CAPN10: variants seen among roughly 807,000 people sequenced by gnomAD.
The protein encoded by CAPN10 is calpain 10, also known as calpain-10.
Under a neutral mutation model 78.4 loss-of-function variants are expected in CAPN10, and 71 were observed. The ratio of observed to expected loss-of-function variants is 0.91; its 90% CI spans 0.75 to 1.10. CAPN10 has a LOEUF of 1.10. CAPN10 is among the 50% of genes least tolerant of loss of function. CAPN10 has a pLI of 0.00. For missense variants in CAPN10, 849 were observed against 924.6 expected, an observed-to-expected ratio of 0.92 and a Z score of 1.06; for synonymous variants, 437 against 407.2, an observed-to-expected ratio of 1.07 and a Z score of -0.88.
At chr2:240,591,685 C>T in intron 3 of CAPN10, 1 of 563,126 alleles carries the variant, frequency 1.8e-6, no homozygotes, top group Non-Finnish European at 3.2e-6. Context: ...CCTGTGCCCA[C>T]ACCGGATGCC....
At chr2:240,591,852 G>T (rs2093103654) in intron 3 of CAPN10, 81 bp from the exon 4 acceptor site, 7 of 1,274,038 alleles carry the variant, frequency 5.5e-6, no homozygotes, top group Non-Finnish European at 6.7e-6. Flanking sequence ...GGACGATTTG[G>T]GGTGCTACAG....
chr2:240,590,861 G>T lies in CAPN10; in HGVS notation c.320G>T (p.Gly107Val), dbSNP rs1398803388. The part of the protein sequence containing the change: ...QPSWADQEYR[G>V]SFTCRIWQFG... ...AGCTGGGCCGACCAGGAGTACCGGG[G>T]CTCCTTCACCTGTCGCATTTGGCAG... Residue 107 changes from glycine to valine, a missense_variant, in exon 3 of 12, where the codon GGC becomes GTC. Gly to Val is a moderately radical substitution (Grantham distance 109). Transcript: ENST00000391984. The T allele has an allele frequency of 1.2e-6, 2 of 1,614,118 alleles. No individual in the cohort carries two copies. The highest frequency in any genetic ancestry group is 1.7e-6 in the Non-Finnish European group (2 of 1,180,048).
chr2:240,596,217 CTG>C (rs1057263469), intron 7 of CAPN10, 100 bp from the exon 8 acceptor site: 25 of 1,479,618 alleles, frequency 1.7e-5, no homozygotes, highest in Non-Finnish European at 1.4e-5. Context: ...GCGCTTTCAT[CTG>C]TCAACTCCAG....
rs2093136457 is a variant in CAPN10 at position 240,596,343 on chromosome 2, C to T, written c.1303C>T (p.Pro435Ser). The T allele has an allele frequency of 6.2e-7, 1 of 1,610,186 alleles. No homozygotes were observed. The highest frequency in any genetic ancestry group is 2.2e-5 in the East Asian group (1 of 44,816). Residue 435 changes from proline (P) to serine (S), a missense_variant, in exon 8 of 12, where the codon CCT becomes TCT. Transcript: ENST00000391984. The stretch of plus-strand genomic sequence containing the variant: ...GGTAGAGAAGCGGCGGGTCAATCTG[C>T]CTAGGGTCCTGTCCATGCCCCCCGT... ...WKVEKRRVNL[P>S]RVLSMPPVAG...
chr2:240,598,166 T>G (rs1227972275), intron 10 of CAPN10, 79 bp downstream of exon 10: 2 of 1,430,098 alleles, frequency 1.4e-6, no homozygotes, highest in Non-Finnish European at 1.9e-6. Context: ...CCCCCACGTC[T>G]CCTGCCTGCC....
chr2:240,589,645 G>C, intron 2 of CAPN10, 171 bp downstream of exon 2: 1 of 844,882 alleles, frequency 1.2e-6, no homozygotes, highest in African/African-American at 1.7e-5. Context: ...ACTGCACTCT[G>C]TCCCTCTGCT....
chr2:240,593,600 C>A (rs1004065504), intron 4 of CAPN10, among the ~76,000 whole-genome samples: 1 of 152,244 alleles, frequency 6.6e-6, no homozygotes, highest in African/African-American at 2.4e-5. Context: ...CTGTGCCAGG[C>A]ATCGTGCACA....
intron 10 of CAPN10, 132 bp from the exon 11 acceptor site, chr2:240,598,220 C>T (rs995568108): frequency 2.2e-6 from 3 of 1,381,212 alleles, no homozygotes; most frequent in Non-Finnish European, 3.1e-6. Context: ...CCAGGGCTGT[C>T]CTGCCTACCT....
intron 7 of CAPN10, 28 bp from the exon 8 acceptor site, chr2:240,596,291 A>C (rs765450449): frequency 6.3e-7 from 1 of 1,584,784 alleles, no homozygotes; most frequent in Non-Finnish European, 8.6e-7. Flanking sequence ...CCGCTCCTCC[A>C]CACTGAGCCT....
In CAPN10 at chr2:240,591,949, G is replaced by A. The variant is rs749864876; in HGVS notation, c.487G>A (p.Glu163Lys). The change falls in exon 4 of 12, where the codon GAG becomes AAG. Residue 163 changes from glutamate to lysine, a missense_variant. Coordinates refer to ENST00000391984, the MANE Select transcript of CAPN10 (RefSeq NM_023083.4). ...GTCCCCTAGGGTCCATGGGTCCTAC[G>A]AGCACCTGTGGGCCGGGCAGGTGGC... ...KVYAKVHGSY[E>K]HLWAGQVADA... The A allele has an allele frequency of 5.0e-6, 8 of 1,613,128 alleles. No individual in the cohort carries two copies. The highest frequency in any genetic ancestry group is 4.0e-5 in the African/African-American group (3 of 74,938).
At chr2:240,598,228 C>G (rs750063266) in intron 10 of CAPN10, 124 bp from the exon 11 acceptor site, 4 of 1,410,910 alleles carry the variant, frequency 2.8e-6, no homozygotes, top group Non-Finnish European at 3.0e-6. Context: ...GTCCTGCCTA[C>G]CTGGGGACCC....
At chr2:240,590,660 A>C (rs2093095794) in intron 2 of CAPN10, 155 bp from the exon 3 acceptor site, 2 of 609,730 alleles carry the variant, frequency 3.3e-6, no homozygotes, top group Non-Finnish European at 5.9e-6. Flanking sequence ...TGTGCCGTAG[A>C]GTTCTCTGCG....
At chr2:240,598,237 C>T in intron 10 of CAPN10, 115 bp from the exon 11 acceptor site, 4 of 1,436,196 alleles carry the variant, frequency 2.8e-6, no homozygotes, top group Non-Finnish European at 3.9e-6. Context: ...ACCTGGGGAC[C>T]CTTCCTTGCT....
Position 240,594,569 on chromosome 2 carries a change from C to A in CAPN10, c.857C>A (p.Ala286Glu). ...GGTGAAGGGTGGAGCCAGGTAGATG[C>A]AGCGGTAGCATCTGAGCTCCTGTCC... ...EGGEGWSQVDAAVASELLSQL... is the reference protein window; with the variant it reads ...EGGEGWSQVDEAVASELLSQL... Residue 286 changes from alanine (A) to glutamate (E), a missense_variant, in exon 6 of 12, where the codon GCA becomes GAA. Transcript: ENST00000391984. 1 of 1,613,736 alleles carries A rather than the reference C, an allele frequency of 6.2e-7. No individual in the cohort carries two copies. Among genetic ancestry groups the A allele is most frequent in the Non-Finnish European group, 8.5e-7 (1 of 1,179,892 alleles).
intron 5 of CAPN10, 79 bp downstream of exon 5, chr2:240,594,126 A>G: frequency 4.2e-6 from 6 of 1,420,824 alleles, no homozygotes; most frequent in Non-Finnish European, 5.6e-6. Flanking sequence ...GGTCACCTTC[A>G]GCTGTCAGGA....
At chr2:240,587,967 A>G (rs538121129) in intron 1 of CAPN10, among the ~76,000 whole-genome samples, 2 of 152,316 alleles carry the variant, frequency 1.3e-5, no homozygotes, top group South Asian at 2.1e-4. Flanking sequence ...TCCTGGAGAA[A>G]GATGAAGGGG....
rs758120146 is a variant in CAPN10, at chr2:240,590,937, A to G, written c.396A>G (p.Ala132=). 4 of 1,614,244 alleles carry G rather than the reference A, an allele frequency of 2.5e-6. No individual in the cohort carries two copies. In the Admixed American group the frequency reaches 6.7e-5, roughly 27 times the overall value. ...CAGATGACCGCCTGCCGTGCCTTGC[A>G]GGGAGACTCTGTTTCTCCCGCTGCC... is the stretch of plus-strand genomic sequence containing the variant. ...VTTDDRLPCL[A]GRLCFSRCQR... Residue 132 remains alanine (A), a synonymous_variant, in exon 3 of 12, where the codon GCA becomes GCG. Coordinates refer to ENST00000391984, the MANE Select transcript of CAPN10 (RefSeq NM_023083.4).
At position 240,586,843 on chromosome 2, in the gene CAPN10, G is replaced by C; in HGVS notation, c.-69G>C. 9 of 1,289,810 alleles carry C rather than the reference G, an allele frequency of 7.0e-6. No homozygotes were observed. The highest frequency in any genetic ancestry group is 8.8e-6 in the Non-Finnish European group (9 of 1,018,386). 79.9% of individuals were successfully genotyped at this position (1,289,810 alleles called of 1,614,324 possible). ...GGGCGGGCCGGAGGCGGCGGCGGCTGACTCGCCTTCTCTCCGGGGCTGCGA... is the reference window on the plus strand; with the variant it reads ...GGGCGGGCCGGAGGCGGCGGCGGCTCACTCGCCTTCTCTCCGGGGCTGCGA... On this transcript the variant is annotated 5_prime_UTR_variant, in exon 1 of 12. Coordinates refer to ENST00000391984, the MANE Select transcript of CAPN10 (RefSeq NM_023083.4).
intron 9 of CAPN10, 102 bp downstream of exon 9, chr2:240,597,044 C>G (rs1575452410): frequency 7.0e-7 from 1 of 1,435,176 alleles, no homozygotes; most frequent in South Asian, 1.2e-5. Flanking sequence ...GGCTCAGTCA[C>G]TTGGGCTCCC....
Sources: allele counts gnomAD v4.1 joint callset (sites outside exome capture counted in the v4.1 genomes callset), GRCh38; gene constraint gnomAD v4.1.1; transcripts MANE v1.5; gene names NCBI Gene and HGNC (gene_info 2026-07-23, HGNC 2026-07-21).